The following RAB33B variants were observed in gnomAD, a reference collection of about 807,000 sequenced individuals.
The protein encoded by RAB33B is ras-related protein Rab-33B.
Under a neutral mutation model 15.0 loss-of-function variants are expected in RAB33B, and 6 were observed. The observed-to-expected ratio is 0.40, with a 90% CI of 0.22 to 0.79. RAB33B has a LOEUF of 0.79. Among genes scored for constraint, RAB33B ranks in the 30% least tolerant of loss-of-function variants. The probability of loss-of-function intolerance (pLI) is 0.37; values close to 1 mark genes in which losing one functional copy is unlikely to be tolerated. For synonymous variants in RAB33B, 117 were observed against 108.3 expected (o/e 1.08, Z -0.50); for missense variants, 257 against 296.4 (o/e 0.87, Z 0.98).
At chr4:139,443,290 C>T in the RAB33B span, among the ~76,000 whole-genome samples, 1 of 152,156 alleles carries the variant, frequency 6.6e-6, no homozygotes, top group Non-Finnish European at 1.5e-5. Context: ...CCGCGCCCGG[C>T]CTGGCATGAA....
intron 1 of RAB33B, among the ~76,000 whole-genome samples, chr4:139,468,966 C>A (rs188334768): frequency 5.1e-4 from 77 of 152,234 alleles, no homozygotes; most frequent in African/African-American, 1.8e-3. Context: ...TGTTTCTTTT[C>A]TTTTGCTGCT....
intron 1 of RAB33B, among the ~76,000 whole-genome samples, chr4:139,464,874 C>G (rs1750251919): frequency 6.6e-6 from 1 of 152,180 alleles, no homozygotes; most frequent in Admixed American, 6.5e-5. Context: ...TTTATAGTCT[C>G]ATGATTTATA....
the RAB33B span, among the ~76,000 whole-genome samples, chr4:139,443,332 T>C: frequency 1.3e-5 from 2 of 152,194 alleles, no homozygotes; most frequent in African/African-American, 4.8e-5. Context: ...ATAAATGCGT[T>C]TGACACTCCT....
the RAB33B span, among the ~76,000 whole-genome samples, chr4:139,447,927 A>G: frequency 6.6e-6 from 1 of 151,620 alleles, no homozygotes; most frequent in Non-Finnish European, 1.5e-5. Flanking sequence ...TCGGCCTCCC[A>G]AAGTGCTGGG....
chr4:139,468,028 C>G (rs995021544), intron 1 of RAB33B, among the ~76,000 whole-genome samples: 17 of 151,352 alleles, frequency 1.1e-4, no homozygotes, highest in African/African-American at 3.6e-4. Context: ...CTACCCTTCC[C>G]GAGCCTCTGG....
chr4:139,464,102 C>A (rs1579178032), intron 1 of RAB33B, among the ~76,000 whole-genome samples: 1 of 152,074 alleles, frequency 6.6e-6, no homozygotes, highest in South Asian at 2.1e-4. Context: ...GTGTGACCAC[C>A]CCCCCACTGT....
rs1412660488 is a variant in RAB33B, at chr4:139,471,782, AC to A, written c.250-903del. Among the ~76,000 whole-genome samples the A allele has an allele frequency of 7.9e-5, 12 of 152,216 alleles. No homozygotes were observed. The East Asian group carries it at 2.1e-3, about 27-fold the overall frequency. On this transcript the variant is annotated intron_variant, in intron 1 of 1. Transcript: ENST00000305626. The stretch of plus-strand genomic sequence containing the variant: ...TTTATTTTTTCCTTTGATTGCTTTT[AC>A]TTTAGGTATCGTATCTTAAGAAACC...
intron 1 of RAB33B, among the ~76,000 whole-genome samples, chr4:139,472,229 C>T (rs1172983670): frequency 6.6e-6 from 1 of 152,182 alleles, no homozygotes; most frequent in Non-Finnish European, 1.5e-5. Flanking sequence ...TAGACATACA[C>T]ATACATGTAT....
At chr4:139,446,919 T>C in the RAB33B span, among the ~76,000 whole-genome samples, 2 of 152,222 alleles carry the variant, frequency 1.3e-5, no homozygotes, top group Non-Finnish European at 2.9e-5. Flanking sequence ...AGCTACCCGA[T>C]GGCATGTTGA....
chr4:139,472,986 G>A lies in RAB33B; in HGVS notation c.550G>A (p.Asp184Asn). ...LFETSAKNPN[D>N]NDHVEAIFMT... ...TGAAACGTCTGCTAAAAACCCCAAT[G>A]ATAATGACCATGTGGAAGCTATATT... The change falls in exon 2 of 2, where the codon GAT (aspartate) becomes AAT (asparagine). Residue 184 changes from aspartate to asparagine, a missense_variant. Physicochemically the swap from Asp to Asn is conservative, Grantham distance 23. Transcript: ENST00000305626. 1 of 1,614,102 alleles carries A rather than the reference G, an allele frequency of 6.2e-7. No individual in the cohort carries two copies. The highest frequency in any genetic ancestry group is 8.5e-7 in the Non-Finnish European group (1 of 1,180,016).
the RAB33B span, among the ~76,000 whole-genome samples, chr4:139,446,657 TAATC>T: frequency 1.3e-5 from 2 of 152,242 alleles, no homozygotes; most frequent in South Asian, 2.1e-4. Flanking sequence ...AGGATTTTAA[TAATC>T]AAGTGAATAG....
the RAB33B span, among the ~76,000 whole-genome samples, chr4:139,440,208 G>T: frequency 6.6e-6 from 1 of 152,082 alleles, no homozygotes; most frequent in South Asian, 2.1e-4. Context: ...GGTCTTTTCT[G>T]AGCCTGCACC....
chr4:139,439,077 A>C, the RAB33B span, among the ~76,000 whole-genome samples: 1 of 152,092 alleles, frequency 6.6e-6, no homozygotes, highest in Non-Finnish European at 1.5e-5. Flanking sequence ...CAGTGGCGCA[A>C]TCTTAGCTCA....
chr4:139,466,100 C>T (rs1456142229), intron 1 of RAB33B, among the ~76,000 whole-genome samples: 2 of 152,178 alleles, frequency 1.3e-5, no homozygotes, highest in Admixed American at 6.5e-5. Context: ...TCACCTCAGG[C>T]TCCCTAAGTG....
intron 1 of RAB33B, among the ~76,000 whole-genome samples, chr4:139,456,102 A>G (rs962223236): frequency 1.3e-5 from 2 of 152,140 alleles, no homozygotes; most frequent in Non-Finnish European, 2.9e-5. Flanking sequence ...TCAGATGAGG[A>G]CATATATGAA....
the RAB33B span, among the ~76,000 whole-genome samples, chr4:139,441,794 G>A: frequency 1.3e-5 from 2 of 152,056 alleles, no homozygotes; most frequent in East Asian, 1.9e-4. Flanking sequence ...ATCAGGGATT[G>A]TCTGTACATA....
Position 139,454,590 on chromosome 4 carries a change from G to C in RAB33B, c.249+146G>C, listed in dbSNP as rs1433308277. The C allele has an allele frequency of 7.9e-6, 7 of 887,800 alleles. No homozygotes were observed. In the Admixed American group the frequency reaches 1.8e-4, roughly 22 times the overall value. 55.0% of individuals were successfully genotyped at this position (887,800 alleles called of 1,614,324 possible). On this transcript the variant is annotated intron_variant, in intron 1 of 1. Coordinates refer to ENST00000305626, the MANE Select transcript of RAB33B (RefSeq NM_031296.3). ...ATTGGAGTTGGGGATTGGAAGGATT[G>C]CAATACTGCAAACTTCTAAGGCAGC...
chr4:139,440,551 G>A, the RAB33B span, among the ~76,000 whole-genome samples: 217 of 152,172 alleles, frequency 1.4e-3, no homozygotes, highest in African/African-American at 4.9e-3. Flanking sequence ...GCACAGCTGC[G>A]TGCCATGAGA....
At chr4:139,441,012 T>C in the RAB33B span, among the ~76,000 whole-genome samples, 1 of 152,140 alleles carries the variant, frequency 6.6e-6, no homozygotes, top group East Asian at 1.9e-4. Flanking sequence ...ATTCTTCTGG[T>C]CTCTGTTGGA....
Sources: gnomAD v4.1 joint callset for allele counts (sites outside exome capture counted in the v4.1 genomes callset) on GRCh38, gnomAD v4.1.1 for gene constraint, MANE v1.5 for transcripts, NCBI Gene and HGNC (gene_info 2026-07-23, HGNC 2026-07-21) for gene names.